NKAIN3: variants seen among roughly 807,000 people sequenced by gnomAD.
NKAIN3 encodes the protein sodium/potassium transporting ATPase interacting 3.
In NKAIN3, 25 loss-of-function variants were observed where a neutral mutation model predicts 30.2. The observed-to-expected ratio is 0.83, with a 90% confidence interval of 0.60 to 1.16. The LOEUF (loss-of-function observed/expected upper bound fraction) is 1.16, where lower values mean the gene tolerates loss of function less well. Ranked by LOEUF, NKAIN3 falls within the 50% of genes most tolerant of loss-of-function variation. The pLI, the probability that NKAIN3 is intolerant of heterozygous loss-of-function variation, is 0.00. For synonymous variants in NKAIN3, 91 were observed against 89.6 expected (o/e 1.02, Z -0.09); for missense variants, 225 against 254.1 (o/e 0.89, Z 0.78).
chr8:62,633,030 G>A (rs1812015775), intron 3 of NKAIN3, among the ~76,000 whole-genome samples: 1 of 152,018 alleles, frequency 6.6e-6, no homozygotes, highest in Non-Finnish European at 1.5e-5. Flanking sequence ...TCCTTGTTTT[G>A]GGTGTGTAGA....
chr8:62,862,070 A>T (rs1177387432), intron 4 of NKAIN3, among the ~76,000 whole-genome samples: 1 of 152,214 alleles, frequency 6.6e-6, no homozygotes, highest in African/African-American at 2.4e-5. Context: ...TGATATTTTT[A>T]TTCTTGCTCT....
At chr8:62,320,303 C>A (rs1056533473) in intron 1 of NKAIN3, among the ~76,000 whole-genome samples, 1 of 152,100 alleles carries the variant, frequency 6.6e-6, no homozygotes, top group African/African-American at 2.4e-5. Flanking sequence ...CAGTCTGTGT[C>A]ATCTGATTGG....
intron 1 of NKAIN3, among the ~76,000 whole-genome samples, chr8:62,354,138 T>C (rs992040141): frequency 6.6e-6 from 1 of 152,206 alleles, no homozygotes; most frequent in Non-Finnish European, 1.5e-5. Flanking sequence ...AGTGAAATTC[T>C]TTTAGAAAAA....
downstream of NKAIN3, among the ~76,000 whole-genome samples, chr8:62,987,753 G>A (rs117077205): frequency 0.074 from 11,272 of 151,898 alleles, 666 homozygotes; most frequent in East Asian, 0.3. Context: ...TCATTCTGCC[G>A]CTGCCCCTCC....
At chr8:62,375,033 C>A (rs1384724928) in intron 1 of NKAIN3, among the ~76,000 whole-genome samples, 1 of 152,154 alleles carries the variant, frequency 6.6e-6, no homozygotes. Flanking sequence ...TTCCCCTACA[C>A]CAAATTAAAT....
rs564642762 is a variant in NKAIN3 at position 62,834,522 on chromosome 8, T to C, written c.472-83931T>C. Reference sequence around the variant, plus strand: ...TGTATGAAAACCAGTAGCACTTCTATACACCAATAACATTCAAACTGAGAG... The same window carrying C: ...TGTATGAAAACCAGTAGCACTTCTACACACCAATAACATTCAAACTGAGAG... On this transcript the variant is annotated intron_variant, in intron 4 of 6. Transcript: ENST00000623646. Among the ~76,000 whole-genome samples the C allele has an allele frequency of 5.3e-5, 8 of 152,076 alleles. No individual in the cohort carries two copies. In the South Asian group the frequency reaches 1.5e-3, roughly 28 times the overall value.
At chr8:62,798,152 G>A (rs1388949628) in intron 4 of NKAIN3, among the ~76,000 whole-genome samples, 2 of 152,146 alleles carry the variant, frequency 1.3e-5, no homozygotes, top group Non-Finnish European at 2.9e-5. Flanking sequence ...TCCTCATGAT[G>A]TGAGAAAAGA....
chr8:62,607,165 A>T (rs990696219), intron 3 of NKAIN3, among the ~76,000 whole-genome samples: 1 of 152,184 alleles, frequency 6.6e-6, no homozygotes, highest in Non-Finnish European at 1.5e-5. Context: ...ACAGGCAACA[A>T]TTTACAGAAA....
chr8:62,846,788 A>T (rs1819702591), intron 4 of NKAIN3, among the ~76,000 whole-genome samples: 1 of 152,088 alleles, frequency 6.6e-6, no homozygotes, highest in Non-Finnish European at 1.5e-5. Flanking sequence ...AGGCTGGGTA[A>T]TTGATAAAGG....
chr8:62,984,069 A>G lies in NKAIN3; in HGVS notation c.*18662A>G, dbSNP rs1824149103. The G allele has an allele frequency of 6.6e-6, 1 of 152,176 alleles. No homozygotes were observed. Among genetic ancestry groups the G allele is most frequent in the Non-Finnish European group, 1.5e-5 (1 of 68,024 alleles). The allele number at this position is 152,176 out of a possible 1,614,324, so 9.4% of individuals were successfully genotyped here. On this transcript the variant is annotated 3_prime_UTR_variant, in exon 7 of 7. Transcript: ENST00000623646. Reference sequence around the variant, plus strand: ...AGATTGACACATCTTTGGGTTTTTCATTATTGTTTCTAAAAACTAGATATT... The same window carrying G: ...AGATTGACACATCTTTGGGTTTTTCGTTATTGTTTCTAAAAACTAGATATT...
chr8:62,521,418 G>C (rs747335700), intron 1 of NKAIN3, among the ~76,000 whole-genome samples: 7 of 152,154 alleles, frequency 4.6e-5, no homozygotes, highest in Non-Finnish European at 8.8e-5. Context: ...TGAATGCTGG[G>C]AAGCTGTGAA....
At chr8:62,647,689 C>T (rs1181388499) in intron 3 of NKAIN3, among the ~76,000 whole-genome samples, 2 of 152,080 alleles carry the variant, frequency 1.3e-5, no homozygotes, top group African/African-American at 4.8e-5. Flanking sequence ...AACATGGATC[C>T]AAGAGAAAAT....
chr8:62,825,356 TAATA>T (rs1038143373), intron 4 of NKAIN3, among the ~76,000 whole-genome samples: 10 of 152,220 alleles, frequency 6.6e-5, no homozygotes, highest in Non-Finnish European at 5.9e-5. Context: ...GGCAAATCCA[TAATA>T]AATTGTGTAT....
At position 62,753,104 on chromosome 8, in the gene NKAIN3, G is replaced by A. The variant is rs184427797; in HGVS notation, c.471+5975G>A. On this transcript the variant is annotated intron_variant, in intron 4 of 6. Coordinates refer to ENST00000623646, the MANE Select transcript of NKAIN3 (RefSeq NM_001304533.3). Reference sequence around the variant, plus strand: ...GGGGGATTTCAAAACAGTTTCTGGTGAAAATTAAAAACTATGTCTAGTTGA... The same window carrying A: ...GGGGGATTTCAAAACAGTTTCTGGTAAAAATTAAAAACTATGTCTAGTTGA... Among the ~76,000 whole-genome samples the A allele has an allele frequency of 6.4e-3, 979 of 152,018 alleles. 10 individuals carry two copies. Among genetic ancestry groups the A allele is most frequent in the African/African-American group, 0.022 (918 of 41,456 alleles).
chr8:62,372,201 A>G lies in NKAIN3; in HGVS notation c.54+123074A>G, dbSNP rs914657059. 9.4e-5 allele frequency among the ~76,000 whole-genome samples: 14 copies of G among 149,330 alleles called. No homozygotes were observed. In the South Asian group the frequency reaches 2.7e-3, roughly 29 times the overall value. ...AATCTTTTGCCTTTATGTATAGGGC[A>G]TTTACTTAAAAAAAGAAAAAAAATG... On this transcript the variant is annotated intron_variant, in intron 1 of 6. Transcript: ENST00000623646.
intron 1 of NKAIN3, among the ~76,000 whole-genome samples, chr8:62,568,617 C>T (rs543954146): frequency 1.3e-5 from 2 of 152,172 alleles, no homozygotes; most frequent in Non-Finnish European, 2.9e-5. Context: ...ATGTAATATT[C>T]ATTCCTCTTT....
chr8:62,366,146 G>A (rs1816730298), intron 1 of NKAIN3, among the ~76,000 whole-genome samples: 1 of 151,412 alleles, frequency 6.6e-6, no homozygotes, highest in Admixed American at 6.6e-5. Flanking sequence ...ATGTTTCTAG[G>A]AATTTACTGT....
chr8:62,334,756 G>T (rs1815479198), intron 1 of NKAIN3, among the ~76,000 whole-genome samples: 1 of 151,986 alleles, frequency 6.6e-6, no homozygotes, highest in Admixed American at 6.6e-5. Context: ...TCTCCATGTG[G>T]CATCCCTGGT....
intron 5 of NKAIN3, among the ~76,000 whole-genome samples, chr8:62,936,985 A>G: frequency 6.6e-6 from 1 of 151,970 alleles, no homozygotes; most frequent in Middle Eastern, 3.2e-3. Flanking sequence ...CCATGAAGAT[A>G]TTCTTCTATA....
Sources: allele counts gnomAD v4.1 joint callset (sites outside exome capture counted in the v4.1 genomes callset), GRCh38; gene constraint gnomAD v4.1.1; transcripts MANE v1.5; gene names NCBI Gene and HGNC (gene_info 2026-07-23, HGNC 2026-07-21).